CDH8: variants seen among roughly 807,000 people sequenced by gnomAD.
CDH8 encodes cadherin-8.
Under a neutral mutation model 68.1 loss-of-function variants are expected in CDH8, and 17 were observed. The ratio of observed to expected loss-of-function variants is 0.25; its 90% CI spans 0.17 to 0.37. CDH8 has a LOEUF of 0.37. Ranked by LOEUF, CDH8 falls within the 10% of genes least tolerant of loss-of-function variation. CDH8 has a pLI of 1.00. For missense variants in CDH8, 763 were observed against 999.3 expected (o/e 0.76, Z 3.19); for synonymous variants, 372 against 365.1 (o/e 1.02, Z -0.21).
intron 10 of CDH8, among the ~76,000 whole-genome samples, chr16:61,661,882 C>CT (rs930468390): frequency 6.6e-6 from 1 of 151,438 alleles, no homozygotes; most frequent in African/African-American, 2.4e-5. Flanking sequence ...TAAAAAAAAT[C>CT]TTAGTACACT....
At chr16:61,978,080 A>C (rs2150580919) in intron 2 of CDH8, among the ~76,000 whole-genome samples, 1 of 152,256 alleles carries the variant, frequency 6.6e-6, no homozygotes, top group South Asian at 2.1e-4. Context: ...GATTTGTAAT[A>C]TCTTTCTCTT....
At position 61,976,061 on chromosome 16, in the gene CDH8, A is replaced by C. The variant is rs113241457; in HGVS notation, c.252+45091T>G. 8.4e-3 allele frequency among the ~76,000 whole-genome samples: 1,274 copies of C among 152,274 alleles called. 19 individuals carry two copies. The highest frequency in any genetic ancestry group is 0.028 in the African/African-American group (1,159 of 41,578). ...ATTGACTGAAGAGTCAATCTACTGCAGTGCCTGAAAAAAATAACACTCCTT... is the reference window on the plus strand; with the variant it reads ...ATTGACTGAAGAGTCAATCTACTGCCGTGCCTGAAAAAAATAACACTCCTT... On this transcript the variant is annotated intron_variant, in intron 2 of 11. Coordinates refer to ENST00000577390, the MANE Select transcript of CDH8 (RefSeq NM_001796.5).
chr16:61,853,154 C>G (rs1021388035), intron 4 of CDH8, among the ~76,000 whole-genome samples: 2 of 152,030 alleles, frequency 1.3e-5, no homozygotes, highest in Non-Finnish European at 2.9e-5. Flanking sequence ...AATGGTATAT[C>G]TCTCTGTGCT....
chr16:61,964,788 T>C (rs1323094552), intron 2 of CDH8, among the ~76,000 whole-genome samples: 1 of 152,166 alleles, frequency 6.6e-6, no homozygotes, highest in Non-Finnish European at 1.5e-5. Context: ...ACTGACCACC[T>C]TTCTCCTTCC....
At chr16:61,891,951 C>G (rs939547528) in intron 3 of CDH8, among the ~76,000 whole-genome samples, 2 of 152,112 alleles carry the variant, frequency 1.3e-5, no homozygotes, top group Admixed American at 1.3e-4. Flanking sequence ...AAGACACAAC[C>G]TATAAATTAT....
intron 3 of CDH8, among the ~76,000 whole-genome samples, chr16:61,860,871 G>T (rs1332366691): frequency 2.6e-5 from 4 of 152,084 alleles, no homozygotes; most frequent in Non-Finnish European, 4.4e-5. Context: ...TTATGCACAG[G>T]CTTCGTGCGT....
rs113825394 is a variant in CDH8 at position 61,953,958 on chromosome 16, T to C, written c.253-52485A>G. Among the ~76,000 whole-genome samples, 29 of 146,928 alleles carry C rather than the reference T, an allele frequency of 2.0e-4. 1 individual carries two copies. The highest frequency in any genetic ancestry group is 7.2e-4 in the African/African-American group (28 of 38,930). On this transcript the variant is annotated intron_variant, in intron 2 of 11. Transcript: ENST00000577390. ...CCTTAATAACATGCTATCTACTATA[T>C]AGAGACTTTCTCCTTCAAATATCAA... is the stretch of plus-strand genomic sequence containing the variant.
At position 61,959,300 on chromosome 16, in the gene CDH8, G is replaced by T. The variant is rs140778104; in HGVS notation, c.253-57827C>A. ...CACAAATGTGAAAAAAAGAAAAAAA[G>T]ACATCATTTAACATACTAAATATAA... is the stretch of plus-strand genomic sequence containing the variant. On this transcript the variant is annotated intron_variant, in intron 2 of 11. Transcript: ENST00000577390. Among the ~76,000 whole-genome samples, 6 of 152,172 alleles carry T rather than the reference G, an allele frequency of 3.9e-5. No homozygotes were observed. The East Asian group carries it at 1.2e-3, about 29-fold the overall frequency.
chr16:61,851,618 C>T (rs1355973724), intron 4 of CDH8, among the ~76,000 whole-genome samples: 5 of 151,562 alleles, frequency 3.3e-5, no homozygotes, highest in Admixed American at 2.6e-4. Context: ...CAAAATATTA[C>T]AGGCAAACAT....
intron 2 of CDH8, among the ~76,000 whole-genome samples, chr16:61,982,172 C>T (rs777037739): frequency 3.9e-5 from 6 of 152,052 alleles, no homozygotes; most frequent in Non-Finnish European, 5.9e-5. Context: ...CTCATATTCC[C>T]TGAGCAAGAA....
intron 3 of CDH8, among the ~76,000 whole-genome samples, chr16:61,900,955 G>T (rs1440382809): frequency 6.6e-6 from 1 of 152,148 alleles, no homozygotes; most frequent in Non-Finnish European, 1.5e-5. Flanking sequence ...GTATTGTCAT[G>T]TAAGGAAAGA....
At chr16:61,975,808 C>T (rs546647220) in intron 2 of CDH8, among the ~76,000 whole-genome samples, 2 of 152,046 alleles carry the variant, frequency 1.3e-5, no homozygotes, top group African/African-American at 4.8e-5. Flanking sequence ...GAAAACTGAA[C>T]TCCTCAAGGT....
chr16:61,979,366 A>T (rs1402150317), intron 2 of CDH8, among the ~76,000 whole-genome samples: 1 of 152,182 alleles, frequency 6.6e-6, no homozygotes, highest in African/African-American at 2.4e-5. Context: ...TTAATAAAAT[A>T]AAAAACTTTT....
At chr16:61,832,528 A>G (rs1285660672) in intron 4 of CDH8, among the ~76,000 whole-genome samples, 1 of 151,820 alleles carries the variant, frequency 6.6e-6, no homozygotes, top group Non-Finnish European at 1.5e-5. Flanking sequence ...CAACTGATCA[A>G]GTGAATCAGC....
chr16:61,755,858 T>C (rs1208375876), intron 8 of CDH8, among the ~76,000 whole-genome samples: 1 of 151,972 alleles, frequency 6.6e-6, no homozygotes, highest in Non-Finnish European at 1.5e-5. Context: ...TCTCGCTCTG[T>C]CGCCCAGGCT....
intron 10 of CDH8, 114 bp from the exon 11 acceptor site, chr16:61,655,835 A>G (rs2142739717): frequency 1.1e-6 from 1 of 896,330 alleles, no homozygotes; most frequent in Non-Finnish European, 1.7e-6. Flanking sequence ...CCCGACTTCA[A>G]AGGACTGCTC....
intron 8 of CDH8, among the ~76,000 whole-genome samples, chr16:61,752,028 T>A (rs1178339467): frequency 1.3e-5 from 2 of 152,112 alleles, no homozygotes; most frequent in Admixed American, 6.6e-5. Context: ...TAAGGAGATA[T>A]CAGTTTATGG....
chr16:61,919,192 A>C (rs1964314270), intron 2 of CDH8, among the ~76,000 whole-genome samples: 1 of 145,962 alleles, frequency 6.9e-6, no homozygotes, highest in Non-Finnish European at 1.5e-5. Context: ...GACCAAAAGT[A>C]GATAAAACCA....
At chr16:61,875,347 A>G (rs1368799820) in intron 3 of CDH8, among the ~76,000 whole-genome samples, 1 of 152,138 alleles carries the variant, frequency 6.6e-6, no homozygotes, top group African/African-American at 2.4e-5. Context: ...TTTTCCAAGT[A>G]TGGTCTCCAG....
Sources: gnomAD v4.1 joint callset for allele counts (sites outside exome capture counted in the v4.1 genomes callset) on GRCh38, gnomAD v4.1.1 for gene constraint, MANE v1.5 for transcripts, NCBI Gene and HGNC (gene_info 2026-07-23, HGNC 2026-07-21) for gene names.